The following PLEKHH2 variants were observed in gnomAD, a reference collection of about 807,000 sequenced individuals.
PLEKHH2 encodes the protein pleckstrin homology domain-containing family H member 2.
A neutral mutation model predicts 187.9 loss-of-function variants in PLEKHH2; 129 were observed. The observed-to-expected ratio is 0.69, with a 90% CI of 0.59 to 0.79. The LOEUF is 0.79. PLEKHH2 is among the 30% of genes least tolerant of loss of function. The pLI, the probability that PLEKHH2 is intolerant of heterozygous loss-of-function variation, is 0.00. For missense variants in PLEKHH2, 2,076 were observed against 1,751.2 expected, an observed-to-expected ratio of 1.19 and a Z score of -3.31; for synonymous variants, 686 against 605.6, an observed-to-expected ratio of 1.13 and a Z score of -1.95.
At chr2:43,652,141 C>A (rs1192437343) in intron 2 of PLEKHH2, among the ~76,000 whole-genome samples, 1 of 152,202 alleles carries the variant, frequency 6.6e-6, no homozygotes, top group African/African-American at 2.4e-5. Flanking sequence ...CTCCAATTCA[C>A]TTATTCAATT....
chr2:43,753,620 C>A lies in PLEKHH2; in HGVS notation c.3655C>A (p.Leu1219Ile). 2 of 1,455,588 alleles carry A rather than the reference C, an allele frequency of 1.4e-6. No individual in the cohort carries two copies. The highest frequency in any genetic ancestry group is 9.1e-7 in the Non-Finnish European group (1 of 1,098,508). The allele number at this position is 1,455,588 out of a possible 1,614,324, so 90.2% of individuals were successfully genotyped here. ...GAAATTTACTCTTTTTTTTTACAGA[C>A]TATATTTCTCAGTGCAAGCTCGTGG... ...RTVRLTYKNR[L>I]YFSVQARGET... Residue 1219 changes from leucine to isoleucine, a missense_variant and splice_region_variant, in exon 25 of 30, where the codon CTA becomes ATA. By Grantham distance (5) the Leu-to-Ile change is conservative (BLOSUM62 2). Transcript: ENST00000282406.
At chr2:43,679,758 G>A (rs144273030) in intron 3 of PLEKHH2, 3,917 of 154,912 alleles carry the variant, frequency 0.025, 57 homozygotes, top group South Asian at 0.063. Flanking sequence ...CTAAAGTGCT[G>A]GGATTACAGG....
chr2:43,711,135 C>G, intron 14 of PLEKHH2: 1 of 985,852 alleles, frequency 1.0e-6, no homozygotes, highest in Non-Finnish European at 1.2e-6. Flanking sequence ...ATTTAAAACA[C>G]AGGCTGTTGA....
At chr2:43,682,507 A>G (rs1042537520) in intron 3 of PLEKHH2, among the ~76,000 whole-genome samples, 6 of 152,072 alleles carry the variant, frequency 3.9e-5, no homozygotes, top group African/African-American at 9.7e-5. Context: ...GGGTTTCACC[A>G]TGTTGGCCAG....
At chr2:43,753,877 A>G in intron 25 of PLEKHH2, 117 bp downstream of exon 25, 1 of 911,860 alleles carries the variant, frequency 1.1e-6, no homozygotes, top group Non-Finnish European at 1.5e-6. Flanking sequence ...TGCTACAATT[A>G]GCACCTTAAA....
chr2:43,653,599 T>C (rs994571814), intron 2 of PLEKHH2, among the ~76,000 whole-genome samples: 3 of 152,182 alleles, frequency 2.0e-5, no homozygotes, highest in African/African-American at 7.2e-5. Flanking sequence ...AGAGATTCTA[T>C]ATGGGAGAAA....
intron 24 of PLEKHH2, among the ~76,000 whole-genome samples, chr2:43,751,647 C>G (rs1198576823): frequency 6.6e-6 from 1 of 152,218 alleles, no homozygotes; most frequent in African/African-American, 2.4e-5. Context: ...GCGAGCTAAT[C>G]TAAGCCTTGC....
intron 25 of PLEKHH2, among the ~76,000 whole-genome samples, chr2:43,754,512 C>T (rs916765270): frequency 5.9e-5 from 9 of 152,212 alleles, no homozygotes; most frequent in Admixed American, 1.3e-4. Flanking sequence ...GTCACATGGC[C>T]TTGCCTACTA....
At chr2:43,682,727 A>G (rs111899855) in intron 3 of PLEKHH2, among the ~76,000 whole-genome samples, 282 of 152,160 alleles carry the variant, frequency 1.9e-3, no homozygotes, top group Non-Finnish European at 3.1e-3. Flanking sequence ...ATTTAGTCCC[A>G]TTTCCCCCTC....
At chr2:43,713,628 C>G (rs1179166405) in intron 15 of PLEKHH2, among the ~76,000 whole-genome samples, 1 of 146,512 alleles carries the variant, frequency 6.8e-6, no homozygotes, top group African/African-American at 2.5e-5. Context: ...TATTGGTTAT[C>G]TCTGTGATTT....
At chr2:43,722,478 G>A (rs967674615) in intron 16 of PLEKHH2, among the ~76,000 whole-genome samples, 1 of 152,070 alleles carries the variant, frequency 6.6e-6, no homozygotes, top group Non-Finnish European at 1.5e-5. Context: ...TCTTACATGA[G>A]CCCCAACATC....
chr2:43,653,903 CAT>C (rs1254281826), intron 2 of PLEKHH2, among the ~76,000 whole-genome samples: 1 of 152,184 alleles, frequency 6.6e-6, no homozygotes, highest in African/African-American at 2.4e-5. Flanking sequence ...GAATATCACA[CAT>C]AGTTACAATA....
chr2:43,667,355 C>T (rs538113911), intron 2 of PLEKHH2, among the ~76,000 whole-genome samples: 8 of 152,228 alleles, frequency 5.3e-5, no homozygotes, highest in East Asian at 1.9e-4. Flanking sequence ...TAAAATTGTG[C>T]AGCCACTGTG....
chr2:43,765,235 G>A (rs1169002227), intron 29 of PLEKHH2, among the ~76,000 whole-genome samples, 178 bp from the exon 30 acceptor site: 4 of 152,144 alleles, frequency 2.6e-5, no homozygotes, highest in East Asian at 1.9e-4. Flanking sequence ...ATGAAAAAAC[G>A]TGTGGCTGCC....
At chr2:43,684,608 C>G (rs943618895) in intron 3 of PLEKHH2, among the ~76,000 whole-genome samples, 1 of 150,854 alleles carries the variant, frequency 6.6e-6, no homozygotes, top group Non-Finnish European at 1.5e-5. Flanking sequence ...AAAAAAGGAT[C>G]CTTGTTCCCG....
intron 24 of PLEKHH2, among the ~76,000 whole-genome samples, chr2:43,748,428 T>A (rs966052173): frequency 4.6e-5 from 7 of 152,226 alleles, no homozygotes; most frequent in Middle Eastern, 3.2e-3. Flanking sequence ...TATTTGGACC[T>A]TCTAGATTAT....
At chr2:43,760,282 G>A (rs1406377443) in intron 27 of PLEKHH2, among the ~76,000 whole-genome samples, 1 of 151,174 alleles carries the variant, frequency 6.6e-6, no homozygotes, top group Non-Finnish European at 1.5e-5. Flanking sequence ...TATAACAAGC[G>A]ACACCTCCTT....
intron 15 of PLEKHH2, among the ~76,000 whole-genome samples, chr2:43,715,947 G>A (rs1461711812): frequency 1.3e-5 from 2 of 152,064 alleles, no homozygotes; most frequent in Non-Finnish European, 2.9e-5. Flanking sequence ...TAAATTTAAG[G>A]GCACAGTAAG....
chr2:43,741,483 T>G (rs1671558653), intron 21 of PLEKHH2: 1 of 153,016 alleles, frequency 6.5e-6, no homozygotes, highest in Non-Finnish European at 1.5e-5. Flanking sequence ...TGTTACTCCT[T>G]TGAAAAACAC....
Sources: gnomAD v4.1 joint callset for allele counts (sites outside exome capture counted in the v4.1 genomes callset) on GRCh38, gnomAD v4.1.1 for gene constraint, MANE v1.5 for transcripts, NCBI Gene and HGNC (gene_info 2026-07-23, HGNC 2026-07-21) for gene names.